CWF19L2: variants seen among roughly 807,000 people sequenced by gnomAD.
The protein encoded by CWF19L2 is CWF19-like protein 2.
Under a neutral mutation model 111.7 loss-of-function variants are expected in CWF19L2, and 98 were observed. That is an observed-to-expected ratio of 0.88 (90% confidence interval 0.75 to 1.04). The LOEUF (loss-of-function observed/expected upper bound fraction) is 1.04. CWF19L2 is among the 50% of genes least tolerant of loss of function. CWF19L2 has a pLI of 0.00. For synonymous variants in CWF19L2, 351 were observed against 342.9 expected, an observed-to-expected ratio of 1.02 and a Z score of -0.26; for missense variants, 1,101 against 1,051.4, an observed-to-expected ratio of 1.05 and a Z score of -0.65.
Position 107,326,777 on chromosome 11 carries a change from T to C in CWF19L2, c.*133A>G, listed in dbSNP as rs776083800. ...AACAACACAATCTCCTGATGTACAG[T>C]TGTCACTGACCCAGAGCAGTCTGCT... On this transcript the variant is annotated 3_prime_UTR_variant, in exon 18 of 18. Transcript: ENST00000282251. The C allele has an allele frequency of 9.5e-6, 6 of 633,802 alleles. No individual in the cohort carries two copies. Among genetic ancestry groups the C allele is most frequent in the Non-Finnish European group, 1.6e-5 (6 of 382,576 alleles). The allele number at this position is 633,802 out of a possible 1,614,324, so 39.3% of individuals were successfully genotyped here.
chr11:107,393,120 A>T (rs1469848971), intron 10 of CWF19L2, among the ~76,000 whole-genome samples: 3 of 152,186 alleles, frequency 2.0e-5, no homozygotes, highest in African/African-American at 7.2e-5. Context: ...TTAAAAAAGC[A>T]ATCAAGAGAA....
chr11:107,331,937 C>T (rs919996455), intron 16 of CWF19L2, among the ~76,000 whole-genome samples: 1 of 152,236 alleles, frequency 6.6e-6, no homozygotes, highest in African/African-American at 2.4e-5. Context: ...TTTAGCACTT[C>T]CTTTTTTCTG....
intron 12 of CWF19L2, among the ~76,000 whole-genome samples, chr11:107,362,248 G>A (rs1458635670): frequency 6.6e-6 from 1 of 152,088 alleles, no homozygotes; most frequent in Non-Finnish European, 1.5e-5. Context: ...GCAGGGGGAA[G>A]GGGCGCCCGC....
chr11:107,421,893 A>T (rs138755018), intron 8 of CWF19L2, among the ~76,000 whole-genome samples: 1,750 of 152,244 alleles, frequency 0.011, 26 homozygotes, highest in South Asian at 0.021. Context: ...ATGTCAACAC[A>T]AAGATTTGTA....
intron 3 of CWF19L2, among the ~76,000 whole-genome samples, chr11:107,450,425 A>C (rs1170849012): frequency 6.6e-6 from 1 of 152,096 alleles, no homozygotes; most frequent in Non-Finnish European, 1.5e-5. Context: ...GTCGAAGTGC[A>C]CACCCGTAGT....
At chr11:107,337,566 G>A (rs1163433639) in intron 14 of CWF19L2, among the ~76,000 whole-genome samples, 1 of 152,124 alleles carries the variant, frequency 6.6e-6, no homozygotes, top group African/African-American at 2.4e-5. Context: ...AAGGCTGGAT[G>A]CCAGAGCCCA....
chr11:107,403,764 G>A (rs1861040591), intron 10 of CWF19L2: 1 of 913,132 alleles, frequency 1.1e-6, no homozygotes, highest in Non-Finnish European at 1.8e-6. Context: ...TCCTCTGCCT[G>A]TGCAATCTCA....
At chr11:107,385,909 TTAA>T (rs1341941259) in intron 12 of CWF19L2, among the ~76,000 whole-genome samples, 1 of 152,224 alleles carries the variant, frequency 6.6e-6, no homozygotes, top group Non-Finnish European at 1.5e-5. Flanking sequence ...CTTATTTTAC[TTAA>T]TAATAGCCTG....
chr11:107,401,462 T>A (rs1040948919), intron 10 of CWF19L2, among the ~76,000 whole-genome samples: 1 of 152,010 alleles, frequency 6.6e-6, no homozygotes, highest in African/African-American at 2.4e-5. Flanking sequence ...TCAACCCCTG[T>A]TACAATAGCT....
At chr11:107,436,113 C>A (rs2135416106) in intron 6 of CWF19L2, among the ~76,000 whole-genome samples, 1 of 150,764 alleles carries the variant, frequency 6.6e-6, no homozygotes, top group Admixed American at 6.6e-5. Flanking sequence ...GAGATTGCAC[C>A]ACTGCACTCC....
intron 14 of CWF19L2, among the ~76,000 whole-genome samples, chr11:107,340,547 C>G (rs118108922): frequency 0.013 from 1,967 of 152,302 alleles, 24 homozygotes; most frequent in Middle Eastern, 0.037. Flanking sequence ...ACCAATATCA[C>G]ATAGTCTTGA....
chr11:107,373,404 C>A (rs1353480669), intron 12 of CWF19L2, among the ~76,000 whole-genome samples: 1 of 135,564 alleles, frequency 7.4e-6, no homozygotes, highest in African/African-American at 3.0e-5. Context: ...GTGGTTCTCC[C>A]AGCACGCAGC....
rs1441264598 is a variant in CWF19L2, at chr11:107,367,569, T to C, written c.1873-13833A>G. On this transcript the variant is annotated intron_variant, in intron 12 of 17. Coordinates refer to ENST00000282251, the MANE Select transcript of CWF19L2 (RefSeq NM_152434.3). ...GGAAATCATCATTCTCAGTAAACTA[T>C]TGCAAGAACAAAAAACCAAACACCG... 7.8e-5 allele frequency among the ~76,000 whole-genome samples: 10 copies of C among 128,696 alleles called. 4 individuals carry two copies. The highest frequency in any genetic ancestry group is 1.5e-4 in the Non-Finnish European group (9 of 61,602). 84.4% of individuals were successfully genotyped at this position (128,696 alleles called of 152,430 possible). A position where few individuals can be genotyped will look rare whatever the true frequency, so the allele number is the denominator to read the frequency against.
At chr11:107,358,378 T>C (rs1860270643) in intron 12 of CWF19L2, among the ~76,000 whole-genome samples, 1 of 151,020 alleles carries the variant, frequency 6.6e-6, no homozygotes, top group Non-Finnish European at 1.5e-5. Context: ...AAGCTCGTAA[T>C]ATTTGAAGAA....
At chr11:107,345,871 CTG>C (rs1283360932) in intron 14 of CWF19L2, among the ~76,000 whole-genome samples, 1 of 152,132 alleles carries the variant, frequency 6.6e-6, no homozygotes, top group Admixed American at 6.5e-5. Flanking sequence ...TAAATCAAAA[CTG>C]TTTTATATTT....
intron 12 of CWF19L2, among the ~76,000 whole-genome samples, chr11:107,379,286 A>T (rs1488150661): frequency 2.6e-5 from 4 of 152,216 alleles, no homozygotes; most frequent in Non-Finnish European, 5.9e-5. Flanking sequence ...CTTATTTGGG[A>T]CATCTGGCAA....
intron 7 of CWF19L2, among the ~76,000 whole-genome samples, chr11:107,429,735 C>G (rs1240819044): frequency 6.7e-6 from 1 of 148,786 alleles, no homozygotes; most frequent in African/African-American, 2.5e-5. Context: ...TAGAGACAAA[C>G]TTTGCAAAAA....
intron 8 of CWF19L2, among the ~76,000 whole-genome samples, chr11:107,425,125 A>G (rs955761173): frequency 2.0e-5 from 3 of 151,550 alleles, no homozygotes; most frequent in Non-Finnish European, 4.4e-5. Context: ...TCCTTTTTAT[A>G]ATTAATTTCT....
chr11:107,359,827 G>C (rs1860296447), intron 12 of CWF19L2, among the ~76,000 whole-genome samples: 1 of 152,106 alleles, frequency 6.6e-6, no homozygotes, highest in African/African-American at 2.4e-5. Flanking sequence ...CGAACTTGAA[G>C]TTGAGACTGC....
Sources: gnomAD v4.1 joint callset for allele counts (sites outside exome capture counted in the v4.1 genomes callset) on GRCh38, gnomAD v4.1.1 for gene constraint, MANE v1.5 for transcripts, NCBI Gene and HGNC (gene_info 2026-07-23, HGNC 2026-07-21) for gene names.